KIR3DL1: variants seen among roughly 807,000 people sequenced by gnomAD.
The protein encoded by KIR3DL1 is killer cell immunoglobulin like receptor, three Ig domains and long cytoplasmic tail 1, also known as killer cell immunoglobulin-like receptor 3DL1.
KIR3DL1 carries 50 observed loss-of-function variants against 40.3 expected under a neutral mutation model. The observed-to-expected ratio is 1.24, with a 90% CI of 0.99 to 1.57. The LOEUF is 1.57. Ranked by LOEUF, KIR3DL1 falls within the 40% of genes most tolerant of loss-of-function variation. KIR3DL1 has a pLI of 0.00. For missense variants in KIR3DL1, 661 were observed against 559.9 expected, an observed-to-expected ratio of 1.18 and a Z score of -1.82; for synonymous variants, 257 against 207.2, an observed-to-expected ratio of 1.24 and a Z score of -2.07.
At chr19:54,819,471 A>G (rs1372021709) in intron 3 of KIR3DL1, among the ~76,000 whole-genome samples, 2 of 151,304 alleles carry the variant, frequency 1.3e-5, no homozygotes, top group Admixed American at 6.6e-5. Context: ...CAACAGCCCA[A>G]GAGATGAGGC....
intron 5 of KIR3DL1, 136 bp from the exon 6 acceptor site, chr19:54,824,892 G>A: frequency 1.1e-6 from 1 of 938,372 alleles, no homozygotes; most frequent in Non-Finnish European, 1.7e-6. Context: ...CAAAAATTAT[G>A]GAGAAGAGGA....
At position 54,821,704 on chromosome 19, in the gene KIR3DL1, G is replaced by C. The variant is rs1253345188; in HGVS notation, c.795G>C (p.Arg265Ser). 3 of 1,609,296 alleles carry C rather than the reference G, an allele frequency of 1.9e-6. 1 individual carries two copies. Among genetic ancestry groups the C allele is most frequent in the Middle Eastern group, 3.3e-4 (2 of 6,018 alleles). The change falls in exon 5 of 9, where the codon AGG (arginine) becomes AGC (serine). Residue 265 changes from arginine to serine, a missense_variant. Physicochemically the swap from Arg to Ser is moderately radical, Grantham distance 110. Transcript: ENST00000391728. ...GGGAGGGGGGAGCCCATGAACGTAG[G>C]CTCCCTGCAGTGCGCAAGGTCAACA...
chr19:54,818,588 T>C lies in KIR3DL1; in HGVS notation c.344T>C (p.Ile115Thr). 4 of 1,610,034 alleles carry C rather than the reference T, an allele frequency of 2.5e-6. No homozygotes were observed. In the South Asian group the frequency reaches 4.4e-5, roughly 18 times the overall value. Residue 115 changes from isoleucine (I) to threonine (T), a missense_variant, in exon 3 of 9, where the codon ATC (isoleucine) becomes ACC (threonine). Physicochemically the swap from Ile to Thr is moderately conservative, Grantham distance 89. This residue lies in a region of KIR3DL1 where 548 missense variants were observed against 413.3 expected (regional missense o/e 1.33). Coordinates refer to ENST00000391728, the Ensembl canonical transcript of KIR3DL1. ...TCGGCACCCAGCAACCCCGTGGTGATCATGGTCACAGGTCAGAGGCTTTCC... is the reference window on the plus strand; with the variant it reads ...TCGGCACCCAGCAACCCCGTGGTGACCATGGTCACAGGTCAGAGGCTTTCC...
intron 1 of KIR3DL1, 24 bp downstream of exon 1, chr19:54,816,558 G>C (rs375357383): frequency 6.2e-7 from 1 of 1,608,200 alleles, no homozygotes; most frequent in African/African-American, 1.4e-5. Context: ...GGGAATCGAG[G>C]GAGGGAGTGC....
At position 54,830,666 on chromosome 19, in the gene KIR3DL1, T is replaced by G. The variant is rs530560014; in HGVS notation, c.*391T>G. The G allele has an allele frequency of 1.3e-5, 3 of 239,668 alleles. No individual in the cohort carries two copies. The East Asian group carries it at 2.9e-4, about 23-fold the overall frequency. The allele number at this position is 239,668 out of a possible 1,614,324, so 14.8% of individuals were successfully genotyped here. ...CGTGCTGTTCCACCTTCCCTCATGCTGTTTCACCTTTCTTCGGACTATTTT... is the reference window on the plus strand; with the variant it reads ...CGTGCTGTTCCACCTTCCCTCATGCGGTTTCACCTTTCTTCGGACTATTTT... On this transcript the variant is annotated 3_prime_UTR_variant, in exon 9 of 9. Coordinates refer to ENST00000391728, the Ensembl canonical transcript of KIR3DL1.
chr19:54,818,204 C>G, intron 2 of KIR3DL1, 111 bp from the exon 3 acceptor site: 2 of 1,200,662 alleles, frequency 1.7e-6, no homozygotes, highest in East Asian at 4.8e-5. Context: ...CCTGGGCACC[C>G]AGGTGTGGTA....
chr19:54,826,029 T>C (rs1177727625), intron 6 of KIR3DL1, among the ~76,000 whole-genome samples: 2 of 151,258 alleles, frequency 1.3e-5, no homozygotes, highest in African/African-American at 2.5e-5. Flanking sequence ...GATACCCTTG[T>C]TTTAAGTTCA....
chr19:54,822,245 C>A (rs1389534101), intron 5 of KIR3DL1, among the ~76,000 whole-genome samples: 41 of 151,412 alleles, frequency 2.7e-4, no homozygotes, highest in Non-Finnish European at 2.6e-4. Flanking sequence ...CTTTTCTTTT[C>A]ATTTTCAAAA....
chr19:54,828,393 T>C (rs1440624621), intron 6 of KIR3DL1, among the ~76,000 whole-genome samples: 5 of 151,312 alleles, frequency 3.3e-5, no homozygotes, highest in Non-Finnish European at 7.4e-5. Context: ...TGCCAATTCC[T>C]ATCACTCACC....
intron 5 of KIR3DL1, among the ~76,000 whole-genome samples, chr19:54,822,375 G>C (rs144714382): frequency 0.041 from 6,269 of 151,138 alleles, 300 homozygotes; most frequent in East Asian, 0.091. Context: ...TTGTAATCTC[G>C]GCGCTTTGAG....
chr19:54,816,811 T>TGG (rs2061361716), intron 1 of KIR3DL1, among the ~76,000 whole-genome samples: 1 of 84,742 alleles, frequency 1.2e-5, no homozygotes, highest in Non-Finnish European at 2.1e-5. Context: ...GGAGGGGAGA[T>TGG]ATGGGCCTGG....
rs763078517 is a variant in KIR3DL1, at chr19:54,830,021, C to A, written c.1158+41C>A. 5 of 1,523,508 alleles carry A rather than the reference C, an allele frequency of 3.3e-6. No homozygotes were observed. In the African/African-American group the frequency reaches 5.6e-5, roughly 17 times the overall value. 94.4% of individuals were successfully genotyped at this position (1,523,508 alleles called of 1,614,324 possible). ...CCCAGCCTCGTGGCTAGTGTTATTC[C>A]CAAACAGTCCTGGAAAACGTGAGCA... On this transcript the variant is annotated intron_variant, in intron 8 of 8. Coordinates refer to ENST00000391728, the Ensembl canonical transcript of KIR3DL1.
intron 3 of KIR3DL1, among the ~76,000 whole-genome samples, chr19:54,819,343 C>T (rs1569437162): frequency 6.8e-6 from 1 of 147,522 alleles, no homozygotes; most frequent in Admixed American, 6.8e-5. Flanking sequence ...AAGAGAATCA[C>T]TTGAACTGGG....
exon 4 of KIR3DL1, chr19:54,819,914 T>A: frequency 6.2e-7 from 1 of 1,612,256 alleles, no homozygotes; most frequent in Non-Finnish European, 8.5e-7. Flanking sequence ...GGTCCCATGA[T>A]GCTTGCCCTT....
intron 1 of KIR3DL1, among the ~76,000 whole-genome samples, chr19:54,816,869 C>A (rs1221710266): frequency 1.6e-5 from 1 of 62,722 alleles, no homozygotes; most frequent in African/African-American, 7.0e-5. Flanking sequence ...AGAAGTGGAG[C>A]GATGGGCCTG....
At chr19:54,826,801 G>T (rs1196828062) in intron 6 of KIR3DL1, among the ~76,000 whole-genome samples, 6 of 151,200 alleles carry the variant, frequency 4.0e-5, no homozygotes, top group Admixed American at 1.3e-4. Context: ...ACAATCTGAT[G>T]TGGAAGGAAG....
At chr19:54,823,988 G>A (rs1386035071) in intron 5 of KIR3DL1, among the ~76,000 whole-genome samples, 1 of 151,064 alleles carries the variant, frequency 6.6e-6, no homozygotes, top group Admixed American at 6.6e-5. Context: ...TATATTTCCA[G>A]TTATTAATCC....
chr19:54,823,048 T>C (rs1219033308), intron 5 of KIR3DL1, among the ~76,000 whole-genome samples: 3 of 150,624 alleles, frequency 2.0e-5, no homozygotes, highest in Admixed American at 6.6e-5. Context: ...TTTTTTTCTT[T>C]TTTGAGAAAG....
chr19:54,823,112 G>A (rs1220853182), intron 5 of KIR3DL1, among the ~76,000 whole-genome samples: 3 of 148,930 alleles, frequency 2.0e-5, no homozygotes, highest in Non-Finnish European at 3.0e-5. Context: ...TTGGCTCATT[G>A]CAACCTGTGC....
Sources: gnomAD v4.1 joint callset for allele counts (sites outside exome capture counted in the v4.1 genomes callset) on GRCh38, gnomAD v4.1.1 for gene constraint, gnomAD v4.1.1 regional missense constraint, MANE v1.5 for transcripts, NCBI Gene and HGNC (gene_info 2026-07-23, HGNC 2026-07-21) for gene names.